The following FOXP1 variants were observed in gnomAD, a reference collection of about 807,000 sequenced individuals.
The protein encoded by FOXP1 is forkhead box protein P1.
Under a neutral mutation model 98.2 loss-of-function variants are expected in FOXP1, and 15 were observed. The ratio of observed to expected loss-of-function variants is 0.15; its 90% CI spans 0.10 to 0.24. The LOEUF is 0.24. FOXP1 is among the 10% of genes least tolerant of loss of function. The probability of loss-of-function intolerance (pLI) is 1.00; values close to 1 mark genes in which losing one functional copy is unlikely to be tolerated. For missense variants in FOXP1, 633 were observed against 848.5 expected, an observed-to-expected ratio of 0.75 and a Z score of 3.15; for synonymous variants, 371 against 314.5, an observed-to-expected ratio of 1.18 and a Z score of -1.90.
rs186826312 is a variant in FOXP1, at chr3:71,221,802, G to A, written c.-11-23410C>T. Among the ~76,000 whole-genome samples, 12 of 152,266 alleles carry A rather than the reference G, an allele frequency of 7.9e-5. No individual in the cohort carries two copies. In the East Asian group the frequency reaches 1.2e-3, roughly 15 times the overall value. On this transcript the variant is annotated intron_variant, in intron 5 of 20. Coordinates refer to ENST00000649528, the MANE Select transcript of FOXP1 (RefSeq NM_001349338.3). ...TTCTACCTCTTACTTACAACTCTGC[G>A]TTGCAGACTCAATGCTTATGGCTAG... is the stretch of plus-strand genomic sequence containing the variant.
intron 7 of FOXP1, among the ~76,000 whole-genome samples, chr3:71,096,262 G>A (rs2056444174): frequency 6.6e-6 from 1 of 152,154 alleles, no homozygotes; most frequent in Non-Finnish European, 1.5e-5. Flanking sequence ...CTGTCTTCTT[G>A]ACTGGTGGTC....
intron 5 of FOXP1, among the ~76,000 whole-genome samples, chr3:71,223,454 G>T (rs1198555092): frequency 1.3e-5 from 2 of 152,078 alleles, no homozygotes; most frequent in Admixed American, 6.5e-5. Flanking sequence ...CCAGCACTTT[G>T]GGAGGCTAAG....
intron 3 of FOXP1, among the ~76,000 whole-genome samples, chr3:71,479,741 T>C (rs1199067256): frequency 1.3e-5 from 2 of 149,760 alleles, no homozygotes; most frequent in African/African-American, 4.9e-5. Context: ...GACCATAAAC[T>C]ACATCATTTC....
chr3:71,299,709 T>C (rs532903502), intron 5 of FOXP1, 111 bp downstream of exon 5: 9 of 152,656 alleles, frequency 5.9e-5, no homozygotes, highest in Admixed American at 3.3e-4. Flanking sequence ...TACACGCAAA[T>C]AAATACATGT....
intron 6 of FOXP1, among the ~76,000 whole-genome samples, chr3:71,158,858 C>A (rs573802471): frequency 6.6e-6 from 1 of 152,036 alleles, no homozygotes; most frequent in Admixed American, 6.5e-5. Flanking sequence ...GTAATCCCAG[C>A]ACTTTGGGGG....
At chr3:71,352,473 A>G (rs1297150782) in intron 4 of FOXP1, among the ~76,000 whole-genome samples, 2 of 147,772 alleles carry the variant, frequency 1.4e-5, no homozygotes, top group African/African-American at 4.9e-5. Flanking sequence ...TCCATCTCAA[A>G]AAAAAAAAAA....
chr3:71,404,705 G>T (rs2082194750), intron 3 of FOXP1, among the ~76,000 whole-genome samples: 2 of 152,142 alleles, frequency 1.3e-5, no homozygotes, highest in African/African-American at 4.8e-5. Flanking sequence ...ACAAGAAAGT[G>T]CAGGCAAATT....
At chr3:71,099,785 A>G (rs1412409773) in intron 7 of FOXP1, among the ~76,000 whole-genome samples, 2 of 152,090 alleles carry the variant, frequency 1.3e-5, no homozygotes, top group African/African-American at 4.8e-5. Context: ...TCCTCCCCCA[A>G]CATATTCTGA....
At chr3:71,394,651 C>T (rs1359064566) in intron 3 of FOXP1, among the ~76,000 whole-genome samples, 1 of 152,144 alleles carries the variant, frequency 6.6e-6, no homozygotes, top group African/African-American at 2.4e-5. Flanking sequence ...AGGTAGCTGC[C>T]ATTTCATCAT....
chr3:71,109,677 T>A, intron 7 of FOXP1, among the ~76,000 whole-genome samples: 1 of 152,234 alleles, frequency 6.6e-6, no homozygotes, highest in East Asian at 1.9e-4. Context: ...TTATTCCTTC[T>A]GTGAATCACC....
intron 7 of FOXP1, among the ~76,000 whole-genome samples, chr3:71,096,169 C>T (rs752542792): frequency 6.6e-6 from 1 of 152,184 alleles, no homozygotes; most frequent in Non-Finnish European, 1.5e-5. Flanking sequence ...TTCTGCTACC[C>T]TAGAAGAAGG....
chr3:71,582,115 G>C, intron 1 of FOXP1: 1 of 984,044 alleles, frequency 1.0e-6, no homozygotes, highest in Non-Finnish European at 1.2e-6. Flanking sequence ...GCAAACACAT[G>C]GGAGGGGGGC....
At chr3:71,564,130 C>T (rs967714463) in intron 2 of FOXP1, among the ~76,000 whole-genome samples, 2 of 152,172 alleles carry the variant, frequency 1.3e-5, no homozygotes, top group Non-Finnish European at 2.9e-5. Flanking sequence ...CAAAAGCAAA[C>T]AGACAAAAAC....
At chr3:71,353,262 G>C (rs2077918620) in intron 4 of FOXP1, among the ~76,000 whole-genome samples, 1 of 152,224 alleles carries the variant, frequency 6.6e-6, no homozygotes, top group South Asian at 2.1e-4. Flanking sequence ...CCAGGGTATT[G>C]AGAAGAGGGC....
chr3:71,072,095 G>A (rs1044183201), intron 7 of FOXP1, among the ~76,000 whole-genome samples: 3 of 152,316 alleles, frequency 2.0e-5, no homozygotes, highest in African/African-American at 7.2e-5. Context: ...GCCGAGAGAG[G>A]AGGATCACTT....
intron 4 of FOXP1, among the ~76,000 whole-genome samples, chr3:71,344,410 A>G (rs1463907576): frequency 1.3e-5 from 2 of 152,194 alleles, no homozygotes; most frequent in African/African-American, 4.8e-5. Context: ...TGCTGTTTCT[A>G]TCAACAGACA....
intron 6 of FOXP1, among the ~76,000 whole-genome samples, chr3:71,148,740 T>C (rs2108048908): frequency 6.6e-6 from 1 of 152,330 alleles, no homozygotes; most frequent in Admixed American, 6.5e-5. Flanking sequence ...TAAAGCACCA[T>C]TGAATCTATG....
intron 14 of FOXP1, among the ~76,000 whole-genome samples, chr3:70,987,130 C>T (rs1490464295): frequency 6.6e-6 from 1 of 152,170 alleles, no homozygotes; most frequent in African/African-American, 2.4e-5. Context: ...AGGCAGTGTA[C>T]CTTTAAATTT....
chr3:71,362,596 A>T (rs1002341572), intron 3 of FOXP1, among the ~76,000 whole-genome samples: 1 of 152,136 alleles, frequency 6.6e-6, no homozygotes, highest in African/African-American at 2.4e-5. Flanking sequence ...CAGCCTCCCA[A>T]GTAGCTGAGA....
Sources: gnomAD v4.1 joint callset for allele counts (sites outside exome capture counted in the v4.1 genomes callset) on GRCh38, gnomAD v4.1.1 for gene constraint, MANE v1.5 for transcripts, NCBI Gene and HGNC (gene_info 2026-07-23, HGNC 2026-07-21) for gene names.